The following PGLYRP4 variants were observed in gnomAD, a reference collection of about 807,000 sequenced individuals.
PGLYRP4 encodes the protein PGRP-I-beta.
PGLYRP4 carries 39 observed loss-of-function variants against 41.2 expected under a neutral mutation model. The ratio of observed to expected loss-of-function variants is 0.95; its 90% CI spans 0.73 to 1.24. The LOEUF (loss-of-function observed/expected upper bound fraction) is 1.24, where lower values mean the gene tolerates loss of function less well. PGLYRP4 is among the 50% of genes most tolerant of loss of function. PGLYRP4 has a pLI of 0.00. For missense variants in PGLYRP4, 467 were observed against 460.7 expected, an observed-to-expected ratio of 1.01 and a Z score of -0.13; for synonymous variants, 202 against 186.8, an observed-to-expected ratio of 1.08 and a Z score of -0.66.
intron 4 of PGLYRP4, 23 bp from the exon 5 acceptor site, chr1:153,343,231 T>C (rs753575757): frequency 2.0e-6 from 3 of 1,526,728 alleles, no homozygotes; most frequent in East Asian, 2.3e-5. Flanking sequence ...ATAATACAGG[T>C]TTCATGGCTG....
chr1:153,339,866 G>T lies in PGLYRP4; in HGVS notation c.824+515C>A, dbSNP rs76692715. 7.5e-3 allele frequency among the ~76,000 whole-genome samples: 1,148 copies of T among 152,236 alleles called. 18 individuals carry two copies. The highest frequency in any genetic ancestry group is 0.026 in the African/African-American group (1,081 of 41,520). Reference sequence around the variant, plus strand: ...TTAGCATTAGAGAAATCAAAAGATAGTATTTGGTCTCTCCCCCGCCTTCAG... The same window carrying T: ...TTAGCATTAGAGAAATCAAAAGATATTATTTGGTCTCTCCCCCGCCTTCAG... On this transcript the variant is annotated intron_variant, in intron 7 of 8. Coordinates refer to ENST00000359650, the MANE Select transcript of PGLYRP4 (RefSeq NM_020393.4).
rs1660750203 is a variant in PGLYRP4 at position 153,340,500 on chromosome 1, A to G, written c.705T>C (p.Tyr235=). The G allele has an allele frequency of 6.2e-7, 1 of 1,614,172 alleles. No individual in the cohort carries two copies. ...TCCCGGCAGTGTGGATAATGATGCC[A>G]TACTTCGCTGGGAGAGTCATCCTGG... is the stretch of plus-strand genomic sequence containing the variant. ...HCPRMTLPAK[Y]GIIIHTAGRT... is the part of the protein sequence containing the mutation. The change falls in exon 7 of 9, where the codon TAT becomes TAC. Residue 235 remains tyrosine, a synonymous_variant. Coordinates refer to ENST00000359650, the MANE Select transcript of PGLYRP4 (RefSeq NM_020393.4).
chr1:153,332,487 A>G (rs574967386), intron 8 of PGLYRP4, among the ~76,000 whole-genome samples: 3 of 152,302 alleles, frequency 2.0e-5, no homozygotes, highest in South Asian at 2.1e-4. Context: ...CAGAAAATCA[A>G]CAAAGAAACT....
intron 5 of PGLYRP4, 114 bp downstream of exon 5, chr1:153,342,976 G>A: frequency 1.9e-6 from 1 of 524,262 alleles, no homozygotes; most frequent in Non-Finnish European, 3.3e-6. Context: ...GGTCTTCAGA[G>A]AAGTATGAGA....
chr1:153,348,326 C>T (rs1018292012), intron 1 of PGLYRP4, among the ~76,000 whole-genome samples: 1 of 152,154 alleles, frequency 6.6e-6, no homozygotes, highest in African/African-American at 2.4e-5. Context: ...ATGGTACAAC[C>T]GAGAAATCCA....
At chr1:153,348,205 G>A (rs558013318) in intron 1 of PGLYRP4, among the ~76,000 whole-genome samples, 36 of 152,290 alleles carry the variant, frequency 2.4e-4, no homozygotes, top group African/African-American at 8.7e-4. Flanking sequence ...CGGCGTGCAA[G>A]GCTGTGTACA....
chr1:153,332,863 C>G (rs981334610), intron 8 of PGLYRP4, among the ~76,000 whole-genome samples: 7 of 151,990 alleles, frequency 4.6e-5, no homozygotes, highest in Non-Finnish European at 1.0e-4. Context: ...ACCAAAGCCT[C>G]TGGGATACAA....
At chr1:153,340,060 A>G (rs1660728883) in intron 7 of PGLYRP4, among the ~76,000 whole-genome samples, 1 of 152,216 alleles carries the variant, frequency 6.6e-6, no homozygotes, top group South Asian at 2.1e-4. Flanking sequence ...TCTTTCGATT[A>G]TCTTTTCTAC....
Position 153,343,122 on chromosome 1 carries a change from G to A in PGLYRP4, c.440C>T (p.Ser147Phe). ...AGTGCCAAAGAAGGCAAAGCCCAGGGAGATGTTGTTGTAGCCTTGGGTGTG... is the reference window on the plus strand; with the variant it reads ...AGTGCCAAAGAAGGCAAAGCCCAGGAAGATGTTGTTGTAGCCTTGGGTGTG... ...GVHTQGYNNISLGFAFFGTKK... is the reference protein window; with the variant it reads ...GVHTQGYNNIFLGFAFFGTKK... Residue 147 changes from serine (S) to phenylalanine (F), a missense_variant, in exon 5 of 9, where the codon TCC becomes TTC. Coordinates refer to ENST00000359650, the MANE Select transcript of PGLYRP4 (RefSeq NM_020393.4). 6.2e-7 allele frequency: 1 copy of A among 1,613,186 alleles called. No homozygotes were observed.
At chr1:153,343,025 G>T in intron 5 of PGLYRP4, 65 bp downstream of exon 5, 1 of 944,590 alleles carries the variant, frequency 1.1e-6, no homozygotes, top group Non-Finnish European at 1.7e-6. Context: ...TAGTTCCCAT[G>T]AAGTGGCCCC....
At chr1:153,347,861 T>C in intron 2 of PGLYRP4, 23 bp downstream of exon 2, 1 of 1,583,376 alleles carries the variant, frequency 6.3e-7, no homozygotes. Flanking sequence ...GGTTGCTTTT[T>C]GGCCCAGGGA....
At chr1:153,345,446 G>T in intron 3 of PGLYRP4, 64 bp from the exon 4 acceptor site, 1 of 1,433,974 alleles carries the variant, frequency 7.0e-7, no homozygotes, top group Non-Finnish European at 9.8e-7. Flanking sequence ...AGCTGAACAT[G>T]CAGGCATGGG....
rs1453687084 is a variant in PGLYRP4 at position 153,331,084 on chromosome 1, AG to A, written c.944-140del. The A allele has an allele frequency of 1.4e-5, 8 of 585,570 alleles. No individual in the cohort carries two copies. In the Admixed American group the frequency reaches 2.2e-4, roughly 16 times the overall value. The allele number at this position is 585,570 out of a possible 1,614,324, so 36.3% of individuals were successfully genotyped here. A position where few individuals can be genotyped will look rare whatever the true frequency, so the allele number is the denominator to read the frequency against. On this transcript the variant is annotated intron_variant, in intron 8 of 8. Coordinates refer to ENST00000359650, the MANE Select transcript of PGLYRP4 (RefSeq NM_020393.4). Reference sequence around the variant, plus strand: ...TCCCTAGAGACAGGCAAAAAAAACAAGGTCAAGACTTCAGATTTCTTAGTGC... The same window carrying A: ...TCCCTAGAGACAGGCAAAAAAAACAAGTCAAGACTTCAGATTTCTTAGTGC...
At chr1:153,348,008 G>T in intron 1 of PGLYRP4, 30 bp from the exon 2 acceptor site, 1 of 1,216,764 alleles carries the variant, frequency 8.2e-7, no homozygotes, top group Non-Finnish European at 1.2e-6. Flanking sequence ...TTGTTAACAT[G>T]ACCATTCTCA....
At chr1:153,343,381 A>G (rs993247356) in intron 4 of PGLYRP4, among the ~76,000 whole-genome samples, 173 bp from the exon 5 acceptor site, 5 of 152,226 alleles carry the variant, frequency 3.3e-5, no homozygotes, top group African/African-American at 1.2e-4. Flanking sequence ...ACTAGTCCTT[A>G]GAATTCAGAA....
chr1:153,340,568 C>T lies in PGLYRP4; in HGVS notation c.637G>A (p.Val213Ile), dbSNP rs12063091. ...KTSLKKACPG[V>I]VPRSVWGARE... Reference sequence around the variant, plus strand: ...GCTCCCCACACAGACCGTGGGACAACGCCGGGGCAAGCTGAGGTGGGGCGA... The same window carrying T: ...GCTCCCCACACAGACCGTGGGACAATGCCGGGGCAAGCTGAGGTGGGGCGA... Residue 213 changes from valine (V) to isoleucine (I), a missense_variant, in exon 7 of 9, where the codon GTT becomes ATT. By Grantham distance (29) the Val-to-Ile change is conservative (BLOSUM62 3). Transcript: ENST00000359650. 0.057 allele frequency: 92,280 copies of T among 1,613,610 alleles called. 3,148 individuals are homozygous for T. The highest frequency in any genetic ancestry group is 0.14 in the African/African-American group (10,183 of 74,968).
At chr1:153,331,681 C>A (rs536640427) in intron 8 of PGLYRP4, 1 of 152,360 alleles carries the variant, frequency 6.6e-6, no homozygotes, top group Non-Finnish European at 1.5e-5. Flanking sequence ...ATTAGTGTGG[C>A]CCCTGAAGTA....
intron 7 of PGLYRP4, among the ~76,000 whole-genome samples, chr1:153,339,802 A>G (rs1660717864): frequency 6.6e-6 from 1 of 152,192 alleles, no homozygotes; most frequent in African/African-American, 2.4e-5. Flanking sequence ...TTACTCTTCC[A>G]CTTAGGTCTG....
chr1:153,345,996 T>C, intron 3 of PGLYRP4, 106 bp downstream of exon 3: 1 of 817,850 alleles, frequency 1.2e-6, no homozygotes, highest in Non-Finnish European at 2.1e-6. Flanking sequence ...AACCCCATTT[T>C]CCCCCTCCCA....
Sources: gnomAD v4.1 joint callset for allele counts (sites outside exome capture counted in the v4.1 genomes callset) on GRCh38, gnomAD v4.1.1 for gene constraint, MANE v1.5 for transcripts, NCBI Gene and HGNC (gene_info 2026-07-23, HGNC 2026-07-21) for gene names.